ANKRD42: variants seen among roughly 807,000 people sequenced by gnomAD.
ANKRD42 encodes ankyrin repeat domain-containing protein 42.
Under a neutral mutation model 51.5 loss-of-function variants are expected in ANKRD42, and 43 were observed. That is an observed-to-expected ratio of 0.83 (90% CI 0.65 to 1.08). The LOEUF (loss-of-function observed/expected upper bound fraction) is 1.08. ANKRD42 is among the 50% of genes least tolerant of loss of function. The pLI, the probability that ANKRD42 is intolerant of heterozygous loss-of-function variation, is 0.00. For missense variants in ANKRD42, 608 were observed against 629.3 expected, an observed-to-expected ratio of 0.97 and a Z score of 0.36; for synonymous variants, 203 against 213.0, an observed-to-expected ratio of 0.95 and a Z score of 0.41.
chr11:83,247,611 C>T lies in ANKRD42; in HGVS notation c.1323-332C>T, dbSNP rs572854362. Reference sequence around the variant, plus strand: ...AGCCCCTCTTCCACAACATTTTATACTACTCTTTCCTGCTTTATTTTTGTT... The same window carrying T: ...AGCCCCTCTTCCACAACATTTTATATTACTCTTTCCTGCTTTATTTTTGTT... On this transcript the variant is annotated intron_variant, in intron 10 of 10. Transcript: ENST00000533342. Among the ~76,000 whole-genome samples, 11 of 152,308 alleles carry T rather than the reference C, an allele frequency of 7.2e-5. No individual in the cohort carries two copies. The East Asian group carries it at 1.7e-3, about 24-fold the overall frequency.
downstream of ANKRD42, among the ~76,000 whole-genome samples, chr11:83,263,867 C>T (rs1027122187): frequency 1.3e-5 from 2 of 152,120 alleles, no homozygotes; most frequent in Non-Finnish European, 2.9e-5. Flanking sequence ...ACTTGTGCCC[C>T]ATCCACGGTT....
chr11:83,210,168 G>A, intron 3 of ANKRD42, 132 bp from the exon 4 acceptor site: 2 of 809,550 alleles, frequency 2.5e-6, no homozygotes, highest in Non-Finnish European at 3.7e-6. Context: ...TTTGCCTGTA[G>A]CACATATGTA....
intron 1 of ANKRD42, among the ~76,000 whole-genome samples, chr11:83,196,396 AGAGTGTGTGTGTGT>A (rs796742720): frequency 5.7e-4 from 76 of 133,158 alleles, no homozygotes; most frequent in African/African-American, 1.9e-3. Flanking sequence ...TGAGTGTGTG[AGAGTGTGTGTGTGT>A]GTGTGTGTGT....
At position 83,248,897 on chromosome 11, in the gene ANKRD42, C is replaced by T; in HGVS notation, c.*693C>T. 3 of 983,036 alleles carry T rather than the reference C, an allele frequency of 3.1e-6. No individual in the cohort carries two copies. The highest frequency in any genetic ancestry group is 3.6e-6 in the Non-Finnish European group (3 of 827,792). 60.9% of individuals were successfully genotyped at this position (983,036 alleles called of 1,614,324 possible). A position where few individuals can be genotyped will look rare whatever the true frequency, so the allele number is the denominator to read the frequency against. On this transcript the variant is annotated 3_prime_UTR_variant, in exon 11 of 11. Coordinates refer to ENST00000533342, the MANE Select transcript of ANKRD42 (RefSeq NM_001300975.2). The stretch of plus-strand genomic sequence containing the variant: ...TTCTATGCATATGCAAATATAACCA[C>T]TTCCTCAGTTTCTCTGGGTTTTGGT...
At chr11:83,227,713 T>G (rs200403348) in intron 6 of ANKRD42, 34 bp from the exon 7 acceptor site, 8 of 1,584,928 alleles carry the variant, frequency 5.0e-6, no homozygotes, top group Non-Finnish European at 6.0e-6. Context: ...TAAACTCTTA[T>G]GTTTATTGAA....
intron 3 of ANKRD42, chr11:83,209,292 G>A: frequency 4.3e-6 from 3 of 694,226 alleles, no homozygotes; most frequent in Admixed American, 2.1e-5. Flanking sequence ...TGTCTTCTAG[G>A]CAATGTTAAA....
chr11:83,211,339 T>C lies in ANKRD42; in HGVS notation c.495T>C (p.Tyr165=). 5 of 1,614,246 alleles carry C rather than the reference T, an allele frequency of 3.1e-6. No homozygotes were observed. Among genetic ancestry groups the C allele is most frequent in the Non-Finnish European group, 3.4e-6 (4 of 1,180,034 alleles). The part of the protein sequence containing the change: ...TDKREWRPVH[Y]AAFHGRLGCL... Reference sequence around the variant, plus strand: ...AGAGAGAATGGAGACCTGTGCATTATGCAGCTTTTCATGGGCGGCTTGGCT... The same window carrying C: ...AGAGAGAATGGAGACCTGTGCATTACGCAGCTTTTCATGGGCGGCTTGGCT... Residue 165 remains tyrosine (Y), a synonymous_variant, in exon 5 of 11, where the codon TAT becomes TAC. Transcript: ENST00000533342.
Position 83,227,845 on chromosome 11 carries a change from G to C in ANKRD42, c.886G>C (p.Asp296His), listed in dbSNP as rs1328443206. ...DGVININERA[D>H]NGSTPMHKAA... ...AGTAATCAATATTAATGAGCGTGCTGATAATGGATCAACTCCTATGCATAA... is the reference window on the plus strand; with the variant it reads ...AGTAATCAATATTAATGAGCGTGCTCATAATGGATCAACTCCTATGCATAA... The change falls in exon 7 of 11, where the codon GAT becomes CAT. Residue 296 changes from aspartate (D) to histidine (H), a missense_variant. Coordinates refer to ENST00000533342, the MANE Select transcript of ANKRD42 (RefSeq NM_001300975.2). 6.2e-7 allele frequency: 1 copy of C among 1,611,682 alleles called. No homozygotes were observed. Among genetic ancestry groups the C allele is most frequent in the African/African-American group, 1.3e-5 (1 of 74,794 alleles).
At chr11:83,249,530 A>G (rs1863638903), downstream of ANKRD42, among the ~76,000 whole-genome samples, 1 of 152,156 alleles carries the variant, frequency 6.6e-6, no homozygotes, top group Admixed American at 6.5e-5. Flanking sequence ...CAAACTGTCT[A>G]CTTTAGGAAT....
downstream of ANKRD42, chr11:83,257,423 G>C (rs141885656): frequency 1.7e-4 from 70 of 415,272 alleles, no homozygotes; most frequent in Non-Finnish European, 2.7e-4. Context: ...ATTGAAGTCA[G>C]AACTGAACTG....
At chr11:83,196,396 A>AGTGTGTGTGT (rs1428938974) in intron 1 of ANKRD42, among the ~76,000 whole-genome samples, 5 of 133,164 alleles carry the variant, frequency 3.8e-5, no homozygotes, top group African/African-American at 1.3e-4. Context: ...TGAGTGTGTG[A>AGTGTGTGTGT]GAGTGTGTGT....
At chr11:83,218,430 A>C (rs1436553302) in intron 5 of ANKRD42, among the ~76,000 whole-genome samples, 2 of 152,202 alleles carry the variant, frequency 1.3e-5, no homozygotes, top group Admixed American at 6.5e-5. Context: ...CCTCATTTTC[A>C]ATAGGACTTA....
rs1862451096 is a variant in ANKRD42 at position 83,214,452 on chromosome 11, A to G, written c.586+3022A>G. ...TTGTTGGTCTTGTCTGGTCATTAAA[A>G]AATCCAATTGTTTCTTTAAACATGT... On this transcript the variant is annotated intron_variant, in intron 5 of 10. Transcript: ENST00000533342. The G allele has an allele frequency of 3.2e-5, 31 of 981,492 alleles. No homozygotes were observed. In the South Asian group the frequency reaches 1.4e-3, roughly 45 times the overall value. The allele number at this position is 981,492 out of a possible 1,614,324, so 60.8% of individuals were successfully genotyped here. A position where few individuals can be genotyped will look rare whatever the true frequency, so the allele number is the denominator to read the frequency against.
Position 83,194,162 on chromosome 11 carries a change from A to C in ANKRD42, c.-509A>C. 2.2e-6 allele frequency: 1 copy of C among 457,114 alleles called. No individual in the cohort carries two copies. Among genetic ancestry groups the C allele is most frequent in the Non-Finnish European group, 4.4e-6 (1 of 227,274 alleles). 28.3% of individuals were successfully genotyped at this position (457,114 alleles called of 1,614,324 possible). A position where few individuals can be genotyped will look rare whatever the true frequency, so the allele number is the denominator to read the frequency against. ...AGCACCTTCTGCAGCAGCGACGTGA[A>C]TTTTAGTGAAGTTGGAGGCCACCAA... On this transcript the variant is annotated 5_prime_UTR_variant, in exon 1 of 11. Transcript: ENST00000533342.
At chr11:83,239,681 G>C (rs1280999816) in intron 8 of ANKRD42, among the ~76,000 whole-genome samples, 1 of 152,090 alleles carries the variant, frequency 6.6e-6, no homozygotes, top group Non-Finnish European at 1.5e-5. Context: ...TGTCAGATCA[G>C]TTCTTGATGT....
chr11:83,231,412 G>A (rs981402356), intron 7 of ANKRD42, among the ~76,000 whole-genome samples: 1 of 152,060 alleles, frequency 6.6e-6, no homozygotes, highest in Non-Finnish European at 1.5e-5. Context: ...CAGATTATTA[G>A]TTTTTCCTAT....
intron 2 of ANKRD42, among the ~76,000 whole-genome samples, chr11:83,199,760 C>T (rs1183539011): frequency 6.6e-6 from 1 of 152,184 alleles, no homozygotes; most frequent in African/African-American, 2.4e-5. Context: ...CACATGACTT[C>T]CTTCTGTGAG....
At chr11:83,256,373 G>A (rs150078648), downstream of ANKRD42, among the ~76,000 whole-genome samples, 1,896 of 152,014 alleles carry the variant, frequency 0.012, 40 homozygotes, top group African/African-American at 0.043. Context: ...TTCAAATGGC[G>A]TAACTGCAAG....
chr11:83,206,146 G>A lies in ANKRD42; in HGVS notation c.311G>A (p.Gly104Asp). The A allele has an allele frequency of 6.2e-7, 1 of 1,613,672 alleles. No homozygotes were observed. Residue 104 changes from glycine to aspartate, a missense_variant, in exon 3 of 11, where the codon GGT becomes GAT. Transcript: ENST00000533342. ...GCATCTCACATAGCTGCAATCAGGG[G>A]TCAGGATGCTTGTGTACAGGTAATA... Reference protein sequence around the residue: ...WTASHIAAIRGQDACVQALIM... With the variant: ...WTASHIAAIRDQDACVQALIM...
Sources: gnomAD v4.1 joint callset for allele counts (sites outside exome capture counted in the v4.1 genomes callset) on GRCh38, gnomAD v4.1.1 for gene constraint, MANE v1.5 for transcripts, NCBI Gene and HGNC (gene_info 2026-07-23, HGNC 2026-07-21) for gene names.